The following GNAQ variants were observed in gnomAD, a reference collection of about 807,000 sequenced individuals.
GNAQ encodes guanine nucleotide-binding protein G(q) subunit alpha.
GNAQ carries 8 observed loss-of-function variants against 43.9 expected under a neutral mutation model. That is an observed-to-expected ratio of 0.18 (90% CI 0.11 to 0.33). The LOEUF (loss-of-function observed/expected upper bound fraction) is 0.33. GNAQ is among the 10% of genes least tolerant of loss of function. The probability of loss-of-function intolerance (pLI) is 1.00; values close to 1 mark genes in which losing one functional copy is unlikely to be tolerated. For synonymous variants in GNAQ, 155 were observed against 170.7 expected (o/e 0.91, Z 0.71); for missense variants, 158 against 450.8 (o/e 0.35, Z 5.88).
intron 2 of GNAQ, among the ~76,000 whole-genome samples, chr9:77,842,124 A>G (rs947710230): frequency 2.0e-5 from 3 of 152,250 alleles, no homozygotes; most frequent in Non-Finnish European, 4.4e-5. Context: ...TATTAAGGTG[A>G]ACTCCTTGAC....
At position 77,809,503 on chromosome 9, in the gene GNAQ, G is replaced by A. The variant is rs142739347; in HGVS notation, c.476+6113C>T. Among the ~76,000 whole-genome samples the A allele has an allele frequency of 8.4e-3, 1,286 of 152,238 alleles. 23 individuals are homozygous for A. Among genetic ancestry groups the A allele is most frequent in the African/African-American group, 0.029 (1,186 of 41,542 alleles). On this transcript the variant is annotated intron_variant, in intron 3 of 6. Coordinates refer to ENST00000286548, the MANE Select transcript of GNAQ (RefSeq NM_002072.5). ...AAAAAAAGTGAACCTACAACCATCT[G>A]TTTTTTGTGCTCTTTAATCATTTTC...
At chr9:78,016,093 T>C (rs1029063362) in intron 1 of GNAQ, among the ~76,000 whole-genome samples, 21 of 152,108 alleles carry the variant, frequency 1.4e-4, no homozygotes, top group African/African-American at 5.1e-4. Flanking sequence ...TCACACCACA[T>C]ACAAAAATCA....
At chr9:77,848,123 C>A (rs1827616069) in intron 2 of GNAQ, among the ~76,000 whole-genome samples, 1 of 152,146 alleles carries the variant, frequency 6.6e-6, no homozygotes, top group Non-Finnish European at 1.5e-5. Context: ...TCCCACCTAC[C>A]CCTGTCTCCT....
chr9:77,860,864 C>T (rs1827838906), intron 2 of GNAQ, among the ~76,000 whole-genome samples: 1 of 152,194 alleles, frequency 6.6e-6, no homozygotes, highest in Non-Finnish European at 1.5e-5. Flanking sequence ...CTCCTTATCT[C>T]TCACTCTCTG....
rs1824065531 is a variant in GNAQ at position 78,031,728 on chromosome 9, G to C, written c.-493C>G. Among the ~76,000 whole-genome samples the C allele has an allele frequency of 6.8e-6, 1 of 147,428 alleles. No homozygotes were observed. Among genetic ancestry groups the C allele is most frequent in the African/African-American group, 2.4e-5 (1 of 40,830 alleles). On this transcript the variant is annotated 5_prime_UTR_variant, in exon 1 of 7. Coordinates refer to ENST00000286548, the MANE Select transcript of GNAQ (RefSeq NM_002072.5). ...GCGCGCCCGCTCCTCGCCGCCGCCT[G>C]ACACGGCTCCCGGGCGCCCTCGGCC...
intron 5 of GNAQ, among the ~76,000 whole-genome samples, chr9:77,741,048 C>T (rs966876941): frequency 6.6e-6 from 1 of 152,128 alleles, no homozygotes; most frequent in African/African-American, 2.4e-5. Flanking sequence ...TTTCATGTGT[C>T]ATAAAAATTC....
chr9:77,939,067 G>A (rs1202920681), intron 1 of GNAQ, among the ~76,000 whole-genome samples: 2 of 152,180 alleles, frequency 1.3e-5, no homozygotes, highest in African/African-American at 2.4e-5. Flanking sequence ...GCTGACCTGG[G>A]AGAGACACCA....
intron 2 of GNAQ, among the ~76,000 whole-genome samples, chr9:77,828,043 G>C (rs1331953471): frequency 1.2e-5 from 1 of 82,736 alleles, no homozygotes; most frequent in Non-Finnish European, 2.2e-5. Flanking sequence ...CTGGGCGACA[G>C]AGTGAGACTC....
At chr9:77,838,696 G>A (rs1046721491) in intron 2 of GNAQ, among the ~76,000 whole-genome samples, 3 of 152,008 alleles carry the variant, frequency 2.0e-5, no homozygotes, top group Non-Finnish European at 4.4e-5. Flanking sequence ...GGGATTACAG[G>A]GGTGAGCCAC....
chr9:78,006,438 A>G (rs189645474), intron 1 of GNAQ, among the ~76,000 whole-genome samples: 3 of 152,260 alleles, frequency 2.0e-5, no homozygotes, highest in Admixed American at 2.0e-4. Flanking sequence ...TTAGAGAAAA[A>G]TACTCTATCA....
chr9:78,029,447 G>C (rs1824021985), intron 1 of GNAQ, among the ~76,000 whole-genome samples: 1 of 151,136 alleles, frequency 6.6e-6, no homozygotes, highest in South Asian at 2.1e-4. Context: ...TCAGCCACTA[G>C]AAGTAGCTCA....
At chr9:77,857,978 T>A (rs990554305) in intron 2 of GNAQ, among the ~76,000 whole-genome samples, 2 of 152,100 alleles carry the variant, frequency 1.3e-5, no homozygotes, top group African/African-American at 4.8e-5. Flanking sequence ...AACAGAGCTG[T>A]CAGCTCTGTT....
At chr9:77,940,383 T>C (rs1232476522) in intron 1 of GNAQ, among the ~76,000 whole-genome samples, 2 of 152,004 alleles carry the variant, frequency 1.3e-5, no homozygotes, top group Non-Finnish European at 2.9e-5. Flanking sequence ...GAGTTTGAGA[T>C]CAGCTTGGGC....
At chr9:77,982,038 G>C (rs1162508653) in intron 1 of GNAQ, among the ~76,000 whole-genome samples, 3 of 152,142 alleles carry the variant, frequency 2.0e-5, no homozygotes, top group Admixed American at 6.6e-5. Context: ...GTTCCTACCT[G>C]GAAGCTGGGT....
intron 2 of GNAQ, among the ~76,000 whole-genome samples, chr9:77,818,428 A>G (rs1309412319): frequency 6.6e-6 from 1 of 151,868 alleles, no homozygotes; most frequent in Non-Finnish European, 1.5e-5. Context: ...ATGGAAATGC[A>G]ATACTCTCAA....
intron 2 of GNAQ, among the ~76,000 whole-genome samples, chr9:77,904,317 C>CTTTTTTTTTTTTTTTT (rs554783626): frequency 7.7e-5 from 6 of 77,430 alleles, no homozygotes; most frequent in East Asian, 5.8e-4. Flanking sequence ...TTCACACCGG[C>CTTTTTTTTTTTTTTTT]TTTTTTTTTT....
intron 2 of GNAQ, among the ~76,000 whole-genome samples, chr9:77,874,110 AAAAAAAC>A (rs1445642516): frequency 7.6e-4 from 92 of 121,580 alleles, no homozygotes; most frequent in African/African-American, 3.3e-3. Flanking sequence ...ATCTCAAAAA[AAAAAAAC>A]AAAAAAACAA....
chr9:77,820,115 A>T (rs1221494509), intron 2 of GNAQ, among the ~76,000 whole-genome samples: 12 of 150,652 alleles, frequency 8.0e-5, no homozygotes, highest in Non-Finnish European at 1.6e-4. Flanking sequence ...AAGGAAAAAT[A>T]GTACAAAAAA....
chr9:77,785,068 C>T (rs1384126302), intron 5 of GNAQ, among the ~76,000 whole-genome samples: 1 of 152,142 alleles, frequency 6.6e-6, no homozygotes, highest in African/African-American at 2.4e-5. Flanking sequence ...TATGTCTATG[C>T]CCTAACCCCA....
Sources: gnomAD v4.1 joint callset for allele counts (sites outside exome capture counted in the v4.1 genomes callset) on GRCh38, gnomAD v4.1.1 for gene constraint, MANE v1.5 for transcripts, NCBI Gene and HGNC (gene_info 2026-07-23, HGNC 2026-07-21) for gene names.